Variants in SPATA17 observed in about 807,000 individuals in gnomAD.
The protein encoded by SPATA17 is spermatogenesis-associated protein 17.
In SPATA17, 53 loss-of-function variants were observed where a neutral mutation model predicts 62.2. That is an observed-to-expected ratio of 0.85 (90% CI 0.68 to 1.07). SPATA17 has a LOEUF of 1.07. Ranked by LOEUF, SPATA17 falls within the 50% of genes least tolerant of loss-of-function variation. SPATA17 has a pLI of 0.00. For missense variants in SPATA17, 466 were observed against 425.5 expected (o/e 1.10, Z -0.84); for synonymous variants, 146 against 146.8 (o/e 0.99, Z 0.04).
At chr1:217,648,481 G>A (rs547370451) in intron 1 of SPATA17, among the ~76,000 whole-genome samples, 11 of 152,312 alleles carry the variant, frequency 7.2e-5, no homozygotes, top group Admixed American at 3.9e-4. Context: ...ATGAATGAGT[G>A]AAATATGTGA....
At chr1:217,816,360 A>G (rs1221706790) in intron 9 of SPATA17, among the ~76,000 whole-genome samples, 2 of 151,696 alleles carry the variant, frequency 1.3e-5, no homozygotes, top group Non-Finnish European at 2.9e-5. Context: ...TTTAAAGACT[A>G]TTACCTTAAT....
intron 9 of SPATA17, among the ~76,000 whole-genome samples, chr1:217,855,807 A>G (rs1571845755): frequency 1.4e-5 from 2 of 146,884 alleles, no homozygotes; most frequent in Non-Finnish European, 3.0e-5. Flanking sequence ...GCTCACTGCA[A>G]CCTCCGTCTC....
intron 1 of SPATA17, among the ~76,000 whole-genome samples, chr1:217,635,655 G>A (rs1669919228): frequency 6.6e-6 from 1 of 152,094 alleles, no homozygotes; most frequent in Admixed American, 6.6e-5. Context: ...AGTGAGCCAA[G>A]GTCGGACCAT....
intron 8 of SPATA17, among the ~76,000 whole-genome samples, chr1:217,796,292 A>C (rs1674150111): frequency 6.6e-6 from 1 of 152,130 alleles, no homozygotes; most frequent in Non-Finnish European, 1.5e-5. Context: ...GAAGAAAATA[A>C]AGTGAACTCT....
intron 9 of SPATA17, among the ~76,000 whole-genome samples, chr1:217,850,084 G>A (rs959500584): frequency 1.2e-4 from 18 of 152,000 alleles, no homozygotes; most frequent in African/African-American, 2.9e-4. Flanking sequence ...TTTTGAATGC[G>A]GGGAGGTGGG....
chr1:217,728,375 A>T (rs1004468435), intron 5 of SPATA17, among the ~76,000 whole-genome samples: 1 of 152,148 alleles, frequency 6.6e-6, no homozygotes, highest in Non-Finnish European at 1.5e-5. Context: ...CCTGTTTCTT[A>T]ATTGTTATAC....
Position 217,784,264 on chromosome 1 carries a change from C to T in SPATA17, c.872+1942C>T, listed in dbSNP as rs141788818. ...TTCATGGTTTGTTAATGCAGAGGGTCCTTTTACCACAAAACCAACTTTACC... is the reference window on the plus strand; with the variant it reads ...TTCATGGTTTGTTAATGCAGAGGGTTCTTTTACCACAAAACCAACTTTACC... On this transcript the variant is annotated intron_variant, in intron 8 of 10. Coordinates refer to ENST00000366933, the MANE Select transcript of SPATA17 (RefSeq NM_138796.4). Among the ~76,000 whole-genome samples the T allele has an allele frequency of 1.4e-3, 219 of 152,148 alleles. 1 individual carries two copies. The highest frequency in any genetic ancestry group is 4.8e-3 in the African/African-American group (199 of 41,526).
intron 4 of SPATA17, among the ~76,000 whole-genome samples, chr1:217,678,848 T>C (rs891681510): frequency 6.6e-6 from 1 of 152,164 alleles, no homozygotes; most frequent in African/African-American, 2.4e-5. Flanking sequence ...TCAATGACAA[T>C]AATTGTTTTA....
At chr1:217,801,493 C>A (rs149060331) in intron 8 of SPATA17, among the ~76,000 whole-genome samples, 1 of 152,130 alleles carries the variant, frequency 6.6e-6, no homozygotes, top group East Asian at 1.9e-4. Flanking sequence ...CACAAAAATT[C>A]TGTGAAGAAC....
intron 9 of SPATA17, among the ~76,000 whole-genome samples, chr1:217,821,078 C>T (rs1322525840): frequency 1.3e-5 from 2 of 152,098 alleles, no homozygotes; most frequent in African/African-American, 2.4e-5. Context: ...AATTCATTCA[C>T]TACTGCTAGA....
intron 6 of SPATA17, among the ~76,000 whole-genome samples, chr1:217,753,821 G>T (rs542263788): frequency 2.6e-4 from 40 of 152,208 alleles, no homozygotes; most frequent in African/African-American, 9.1e-4. Flanking sequence ...TCTTACCTCA[G>T]TGTAAAATGT....
intron 5 of SPATA17, among the ~76,000 whole-genome samples, chr1:217,705,430 CTTTTT>C (rs58138326): frequency 2.0e-3 from 91 of 46,620 alleles, no homozygotes; most frequent in African/African-American, 7.1e-3. Flanking sequence ...TTCTAGTTGT[CTTTTT>C]TTTTTTTTTT....
chr1:217,716,701 A>G (rs1672011933), intron 5 of SPATA17, among the ~76,000 whole-genome samples: 1 of 152,230 alleles, frequency 6.6e-6, no homozygotes, highest in Non-Finnish European at 1.5e-5. Context: ...GGTAGATAAC[A>G]ATAAGAGAGA....
chr1:217,696,589 T>C (rs1671467169), intron 5 of SPATA17, among the ~76,000 whole-genome samples: 1 of 152,242 alleles, frequency 6.6e-6, no homozygotes, highest in African/African-American at 2.4e-5. Flanking sequence ...TGTTGTTTCT[T>C]GTAAGATTTT....
At chr1:217,658,906 C>T (rs931894177) in intron 3 of SPATA17, among the ~76,000 whole-genome samples, 8 of 152,102 alleles carry the variant, frequency 5.3e-5, no homozygotes, top group Non-Finnish European at 8.8e-5. Flanking sequence ...ATTTCTTTCC[C>T]TGTGTTTTCT....
chr1:217,831,029 G>A (rs772764560), intron 9 of SPATA17, among the ~76,000 whole-genome samples: 25 of 152,196 alleles, frequency 1.6e-4, no homozygotes, highest in Non-Finnish European at 3.5e-4. Flanking sequence ...ATCTATTCCA[G>A]GAGCTATTTG....
At chr1:217,790,903 A>G (rs6682167) in intron 8 of SPATA17, among the ~76,000 whole-genome samples, 152,323 of 152,346 alleles carry the variant, frequency 1, 76,150 homozygotes, top group Non-Finnish European at 1. Context: ...ATTTATCATT[A>G]AAGAATAGTG....
chr1:217,753,390 A>G (rs1452168444), intron 6 of SPATA17, among the ~76,000 whole-genome samples: 1 of 152,180 alleles, frequency 6.6e-6, no homozygotes, highest in East Asian at 1.9e-4. Flanking sequence ...CCTTCAGACA[A>G]TTAAGTAAAC....
chr1:217,639,650 G>T (rs901614248), intron 1 of SPATA17, among the ~76,000 whole-genome samples: 1 of 152,132 alleles, frequency 6.6e-6, no homozygotes, highest in Non-Finnish European at 1.5e-5. Context: ...GGAAGAATGC[G>T]ATTGGTACTT....
Sources: allele counts gnomAD v4.1 joint callset (sites outside exome capture counted in the v4.1 genomes callset), GRCh38; gene constraint gnomAD v4.1.1; transcripts MANE v1.5; gene names NCBI Gene and HGNC (gene_info 2026-07-23, HGNC 2026-07-21).